Variants in SRFBP1 observed in about 807,000 individuals in gnomAD.
The protein encoded by SRFBP1 is serum response factor binding protein 1, also known as serum response factor-binding protein 1.
SRFBP1 carries 47 observed loss-of-function variants against 45.5 expected under a neutral mutation model. That is an observed-to-expected ratio of 1.03 (90% CI 0.82 to 1.32). The LOEUF (loss-of-function observed/expected upper bound fraction) is 1.32, where lower values mean the gene tolerates loss of function less well. Among genes scored for constraint, SRFBP1 ranks in the 40% most tolerant of loss-of-function variants. The pLI is 0.00. For missense variants in SRFBP1, 621 were observed against 484.6 expected (o/e 1.28, Z -2.64); for synonymous variants, 203 against 166.3 (o/e 1.22, Z -1.70).
At chr5:122,024,383 G>A (rs1232712809) in intron 7 of SRFBP1, among the ~76,000 whole-genome samples, 1 of 152,144 alleles carries the variant, frequency 6.6e-6, no homozygotes, top group South Asian at 2.1e-4. Flanking sequence ...GTACTTCAGA[G>A]TACCAATTTT....
chr5:121,969,353 C>T (rs1752142103), intron 1 of SRFBP1, among the ~76,000 whole-genome samples: 1 of 151,898 alleles, frequency 6.6e-6, no homozygotes, highest in Non-Finnish European at 1.5e-5. Context: ...GCATCTGTTC[C>T]CATAATTGAG....
rs564095893 is a variant in SRFBP1 at position 122,050,614 on chromosome 5, G to A, written n.312-24701G>A. Among the ~76,000 whole-genome samples, 3 of 151,844 alleles carry A rather than the reference G, an allele frequency of 2.0e-5. No homozygotes were observed. The South Asian group carries it at 6.2e-4, about 32-fold the overall frequency. ...GGTCAGTGGTAAAGTCCTCTTTGTTGTTTCTAATTGTGTTTATTTGGATCT... is the reference window on the plus strand; with the variant it reads ...GGTCAGTGGTAAAGTCCTCTTTGTTATTTCTAATTGTGTTTATTTGGATCT... On this transcript the variant is annotated intron_variant and non_coding_transcript_variant, in intron 2 of 2. Transcript: ENST00000504881.
intron 3 of SRFBP1, among the ~76,000 whole-genome samples, chr5:121,975,980 A>T (rs1211553680): frequency 2.0e-5 from 3 of 151,942 alleles, no homozygotes; most frequent in African/African-American, 7.2e-5. Context: ...ATGACATTAA[A>T]TGTCTGGGAG....
intron 3 of SRFBP1, among the ~76,000 whole-genome samples, chr5:121,977,454 T>A (rs967152032): frequency 1.3e-5 from 2 of 152,142 alleles, no homozygotes; most frequent in Non-Finnish European, 2.9e-5. Flanking sequence ...ATTTTATTCC[T>A]TATTTATGGT....
chr5:122,017,789 A>T (rs185196631), intron 4 of SRFBP1, among the ~76,000 whole-genome samples: 1 of 152,190 alleles, frequency 6.6e-6, no homozygotes, highest in Non-Finnish European at 1.5e-5. Flanking sequence ...GAAATGTCTT[A>T]TATTTGACTG....
downstream of SRFBP1, chr5:122,076,940 C>T: frequency 1.2e-6 from 2 of 1,613,928 alleles, no homozygotes; most frequent in Non-Finnish European, 1.7e-6. Context: ...TGTACATGGA[C>T]ATCTTCTGCA....
chr5:122,077,130 G>C, downstream of SRFBP1: 1 of 1,481,804 alleles, frequency 6.7e-7, no homozygotes, highest in South Asian at 1.3e-5. This position sits in a 1 kb window ranked among gnomAD's most constrained non-coding sequence, Gnocchi z 4.9. Flanking sequence ...GCGGAGGACA[G>C]CAAGAGAACT....
At chr5:122,040,539 A>G (rs539903613) in intron 2 of SRFBP1, among the ~76,000 whole-genome samples, 1 of 152,268 alleles carries the variant, frequency 6.6e-6, no homozygotes, top group East Asian at 1.9e-4. Flanking sequence ...TTATTTTTCA[A>G]CGACTACGGT....
At chr5:122,076,842 G>GC (rs755432980), downstream of SRFBP1, 29 of 1,508,900 alleles carry the variant, frequency 1.9e-5, no homozygotes, top group Admixed American at 3.3e-5. Flanking sequence ...GCACCAGAGC[G>GC]CCCCCTGAAG....
At chr5:122,039,059 G>T (rs1011805623) in intron 2 of SRFBP1, among the ~76,000 whole-genome samples, 1 of 152,056 alleles carries the variant, frequency 6.6e-6, no homozygotes, top group Admixed American at 6.6e-5. Flanking sequence ...TAAAATCAAA[G>T]AAATGCCCTC....
intron 2 of SRFBP1, among the ~76,000 whole-genome samples, chr5:122,035,294 G>T (rs899817365): frequency 6.6e-6 from 1 of 152,136 alleles, no homozygotes; most frequent in African/African-American, 2.4e-5. Flanking sequence ...TCTTTCTCCT[G>T]AGTGTCCAGT....
At chr5:122,036,964 G>C (rs888722539) in intron 2 of SRFBP1, among the ~76,000 whole-genome samples, 1 of 150,722 alleles carries the variant, frequency 6.6e-6, no homozygotes, top group Non-Finnish European at 1.5e-5. Flanking sequence ...GCGTGATCTC[G>C]GCTCACTGCA....
intron 2 of SRFBP1, among the ~76,000 whole-genome samples, chr5:122,054,534 G>T (rs954713250): frequency 2.0e-5 from 3 of 152,116 alleles, no homozygotes; most frequent in African/African-American, 7.2e-5. Flanking sequence ...TGCCATCTTG[G>T]CTTGAAAGAC....
At chr5:121,977,371 T>C (rs1752324814) in intron 3 of SRFBP1, among the ~76,000 whole-genome samples, 1 of 152,086 alleles carries the variant, frequency 6.6e-6, no homozygotes, top group African/African-American at 2.4e-5. Flanking sequence ...GTAATGCTTT[T>C]TAAAAACTGG....
intron 3 of SRFBP1, among the ~76,000 whole-genome samples, chr5:121,977,388 T>G (rs1752324940): frequency 6.6e-6 from 1 of 152,150 alleles, no homozygotes; most frequent in Non-Finnish European, 1.5e-5. Flanking sequence ...CTGGAATGAA[T>G]TTAAATATAA....
intron 3 of SRFBP1, among the ~76,000 whole-genome samples, chr5:121,986,133 C>T (rs1384286048): frequency 3.3e-5 from 5 of 151,772 alleles, no homozygotes; most frequent in Non-Finnish European, 7.4e-5. Flanking sequence ...AAAGAACTAG[C>T]AAAGGAGACA....
chr5:121,998,996 C>T (rs966268086), intron 4 of SRFBP1, among the ~76,000 whole-genome samples: 2 of 152,048 alleles, frequency 1.3e-5, no homozygotes, highest in African/African-American at 4.8e-5. Context: ...TTTTTACTTT[C>T]ATTGATTTTT....
At chr5:121,977,823 A>T (rs1752333394) in intron 3 of SRFBP1, among the ~76,000 whole-genome samples, 1 of 152,124 alleles carries the variant, frequency 6.6e-6, no homozygotes, top group Non-Finnish European at 1.5e-5. Context: ...TTTCTGGCCA[A>T]CTAAGAAAAA....
chr5:122,034,186 TC>T (rs1327051491), intron 2 of SRFBP1, among the ~76,000 whole-genome samples: 1 of 152,198 alleles, frequency 6.6e-6, no homozygotes, highest in Non-Finnish European at 1.5e-5. Context: ...TATAGTTGGT[TC>T]TTTATGAACC....
Sources: allele counts gnomAD v4.1 joint callset (sites outside exome capture counted in the v4.1 genomes callset), GRCh38; gene constraint gnomAD v4.1.1; non-coding constraint Gnocchi (gnomAD v3.1); transcripts MANE v1.5; gene names NCBI Gene and HGNC (gene_info 2026-07-23, HGNC 2026-07-21).